The following LRMDA variants were observed in gnomAD, a reference collection of about 807,000 sequenced individuals.
LRMDA encodes the protein leucine-rich melanocyte differentiation-associated protein.
A neutral mutation model predicts 29.8 loss-of-function variants in LRMDA; 18 were observed. The observed-to-expected ratio is 0.60, with a 90% CI of 0.42 to 0.90. The LOEUF (loss-of-function observed/expected upper bound fraction) is 0.90, where lower values mean the gene tolerates loss of function less well. Ranked by LOEUF, LRMDA falls within the 40% of genes least tolerant of loss-of-function variation. The pLI, the probability that LRMDA is intolerant of heterozygous loss-of-function variation, is 0.00. For synonymous variants in LRMDA, 125 were observed against 109.4 expected, an observed-to-expected ratio of 1.14 and a Z score of -0.89; for missense variants, 273 against 273.9, an observed-to-expected ratio of 1.00 and a Z score of 0.02.
At chr10:76,347,184 T>C (rs561409408) in intron 6 of LRMDA, among the ~76,000 whole-genome samples, 1 of 152,228 alleles carries the variant, frequency 6.6e-6, no homozygotes, top group Non-Finnish European at 1.5e-5. Flanking sequence ...AAGGCCGTTA[T>C]TCCCTATATA....
intron 2 of LRMDA, among the ~76,000 whole-genome samples, chr10:75,918,560 A>G (rs1395388469): frequency 1.3e-5 from 2 of 152,150 alleles, no homozygotes; most frequent in Non-Finnish European, 2.9e-5. Flanking sequence ...ATCCACCCCC[A>G]TGATCCAATC....
chr10:75,797,748 T>C (rs1297404953), intron 2 of LRMDA, among the ~76,000 whole-genome samples: 1 of 152,228 alleles, frequency 6.6e-6, no homozygotes, highest in African/African-American at 2.4e-5. Context: ...TGCTCCATAG[T>C]GTTTTATTGC....
At chr10:75,662,651 G>A (rs1841769067) in intron 2 of LRMDA, among the ~76,000 whole-genome samples, 1 of 152,150 alleles carries the variant, frequency 6.6e-6, no homozygotes, top group African/African-American at 2.4e-5. Context: ...CCTGAATGAG[G>A]TGAATTAAGA....
chr10:75,850,371 G>A (rs949697148), intron 2 of LRMDA, among the ~76,000 whole-genome samples: 1 of 152,000 alleles, frequency 6.6e-6, no homozygotes, highest in Non-Finnish European at 1.5e-5. Context: ...ATTCCTTTTT[G>A]GTGTATGCTG....
Position 75,527,759 on chromosome 10 carries a change from A to G in LRMDA, c.131+89265A>G, listed in dbSNP as rs145908398. ...AATTATAATATAAATAATATATAATATATAATTATAAATAATATGTAATTA... is the reference window on the plus strand; with the variant it reads ...AATTATAATATAAATAATATATAATGTATAATTATAAATAATATGTAATTA... On this transcript the variant is annotated intron_variant, in intron 2 of 6. Coordinates refer to ENST00000611255, the MANE Select transcript of LRMDA (RefSeq NM_001305581.2). Among the ~76,000 whole-genome samples the G allele has an allele frequency of 4.7e-5, 7 of 147,664 alleles. No homozygotes were observed. In the East Asian group the frequency reaches 1.4e-3, roughly 29 times the overall value.
chr10:76,307,960 T>C (rs1840579210), intron 5 of LRMDA, among the ~76,000 whole-genome samples: 2 of 152,172 alleles, frequency 1.3e-5, no homozygotes, highest in South Asian at 4.1e-4. Flanking sequence ...CTTATTTTCC[T>C]GAACTGTTCA....
chr10:75,567,510 G>T (rs931539225), intron 2 of LRMDA, among the ~76,000 whole-genome samples: 23 of 152,106 alleles, frequency 1.5e-4, no homozygotes, highest in African/African-American at 1.7e-4. Context: ...TTTTTTGTTG[G>T]TTTTTTGACT....
chr10:76,441,573 C>G (rs1277488841), intron 6 of LRMDA, among the ~76,000 whole-genome samples: 1 of 152,140 alleles, frequency 6.6e-6, no homozygotes. Flanking sequence ...CATTCATGTT[C>G]CCCATTCATC....
chr10:75,810,609 A>C (rs571075650), intron 2 of LRMDA, among the ~76,000 whole-genome samples: 1 of 152,180 alleles, frequency 6.6e-6, no homozygotes, highest in Admixed American at 6.5e-5. Flanking sequence ...GTTCTGATAG[A>C]TGGGTGGTTG....
At chr10:76,411,987 C>G (rs1343700829) in intron 6 of LRMDA, among the ~76,000 whole-genome samples, 1 of 152,208 alleles carries the variant, frequency 6.6e-6, no homozygotes, top group Non-Finnish European at 1.5e-5. Flanking sequence ...TATTGGGACA[C>G]CTCTTAGTGC....
At chr10:75,771,986 G>A (rs943305379) in intron 2 of LRMDA, among the ~76,000 whole-genome samples, 1 of 152,118 alleles carries the variant, frequency 6.6e-6, no homozygotes, top group Non-Finnish European at 1.5e-5. Context: ...TACATGGAAA[G>A]CAGTATGTAA....
intron 2 of LRMDA, among the ~76,000 whole-genome samples, chr10:75,966,556 T>C (rs1846864307): frequency 5.3e-5 from 8 of 152,296 alleles, no homozygotes; most frequent in Admixed American, 4.6e-4. Context: ...ATCATTTGGG[T>C]AACTACACAG....
chr10:76,428,277 G>A (rs1028871864), intron 6 of LRMDA, among the ~76,000 whole-genome samples: 1 of 152,110 alleles, frequency 6.6e-6, no homozygotes, highest in Non-Finnish European at 1.5e-5. Context: ...GTCTTGGATT[G>A]TAGTGATATT....
At chr10:76,309,385 G>A (rs947593566) in intron 5 of LRMDA, among the ~76,000 whole-genome samples, 1 of 152,058 alleles carries the variant, frequency 6.6e-6, no homozygotes, top group Non-Finnish European at 1.5e-5. Flanking sequence ...GATTAATTGC[G>A]GACAAGCAGC....
At chr10:75,755,050 T>TG (rs375233034) in intron 2 of LRMDA, among the ~76,000 whole-genome samples, 4 of 152,122 alleles carry the variant, frequency 2.6e-5, no homozygotes, top group African/African-American at 9.7e-5. Flanking sequence ...TGGTTTTTTT[T>TG]TTTGTTTGTT....
intron 6 of LRMDA, among the ~76,000 whole-genome samples, chr10:76,534,818 T>C (rs1474572832): frequency 6.6e-6 from 1 of 152,164 alleles, no homozygotes; most frequent in Non-Finnish European, 1.5e-5. Flanking sequence ...CTCACATAAG[T>C]CATGTGACCT....
chr10:76,165,259 C>T (rs529453950), intron 5 of LRMDA, among the ~76,000 whole-genome samples: 92 of 152,260 alleles, frequency 6.0e-4, no homozygotes, highest in African/African-American at 7.2e-4. Flanking sequence ...AGGCGTGAGA[C>T]GCCATGCCCA....
intron 2 of LRMDA, among the ~76,000 whole-genome samples, chr10:75,853,994 C>A (rs893352065): frequency 6.6e-6 from 1 of 152,188 alleles, no homozygotes; most frequent in East Asian, 1.9e-4. Context: ...CAGAGTGAGG[C>A]ATCTGTGGGC....
chr10:75,821,540 T>G (rs564601719), intron 2 of LRMDA, among the ~76,000 whole-genome samples: 6 of 152,274 alleles, frequency 3.9e-5, no homozygotes, highest in Admixed American at 6.5e-5. Flanking sequence ...GAGGCTGAGA[T>G]GGGTGGATCA....
Sources: allele counts gnomAD v4.1 joint callset (sites outside exome capture counted in the v4.1 genomes callset), GRCh38; gene constraint gnomAD v4.1.1; transcripts MANE v1.5; gene names NCBI Gene and HGNC (gene_info 2026-07-23, HGNC 2026-07-21).